DDX10: variants seen among roughly 807,000 people sequenced by gnomAD.
The protein encoded by DDX10 is probable ATP-dependent RNA helicase DDX10.
Under a neutral mutation model 104.3 loss-of-function variants are expected in DDX10, and 74 were observed. The observed-to-expected ratio is 0.71, with a 90% CI of 0.59 to 0.86. The LOEUF is 0.86. Among genes scored for constraint, DDX10 ranks in the 40% least tolerant of loss-of-function variants. The pLI, the probability that DDX10 is intolerant of heterozygous loss-of-function variation, is 0.00. For synonymous variants in DDX10, 351 were observed against 353.4 expected, an observed-to-expected ratio of 0.99 and a Z score of 0.08; for missense variants, 952 against 1,040.0, an observed-to-expected ratio of 0.92 and a Z score of 1.16.
At chr11:108,771,782 T>G (rs2094363517) in intron 13 of DDX10, among the ~76,000 whole-genome samples, 1 of 152,220 alleles carries the variant, frequency 6.6e-6, no homozygotes, top group Non-Finnish European at 1.5e-5. Context: ...TAGTCGTTCT[T>G]GTTAGCAAGG....
chr11:108,701,810 C>T (rs1343349347), intron 9 of DDX10, among the ~76,000 whole-genome samples: 2 of 150,258 alleles, frequency 1.3e-5, no homozygotes, highest in South Asian at 4.2e-4. Flanking sequence ...TCTCAGCCTC[C>T]TGAGTAGTTG....
In DDX10 at chr11:108,905,033, G is replaced by T. The variant is rs137972827; in HGVS notation, c.2305-12840G>T. ...ATGTTCTTATTATCAGTTCAGCCCC[G>T]AGCAGTAGTAACTGGGAGTTGCGGG... is the stretch of plus-strand genomic sequence containing the variant. On this transcript the variant is annotated intron_variant, in intron 16 of 17. Coordinates refer to ENST00000322536, the MANE Select transcript of DDX10 (RefSeq NM_004398.4). Among the ~76,000 whole-genome samples, 3 of 152,242 alleles carry T rather than the reference G, an allele frequency of 2.0e-5. No individual in the cohort carries two copies. In the East Asian group the frequency reaches 5.8e-4, roughly 29 times the overall value.
intron 10 of DDX10, among the ~76,000 whole-genome samples, chr11:108,712,369 C>T (rs544458416): frequency 2.0e-5 from 3 of 151,870 alleles, no homozygotes; most frequent in Admixed American, 6.6e-5. Context: ...CCCTGTTATT[C>T]TTACTTTTGT....
chr11:108,806,033 C>G (rs950583023), intron 13 of DDX10, among the ~76,000 whole-genome samples: 1 of 152,100 alleles, frequency 6.6e-6, no homozygotes, highest in Non-Finnish European at 1.5e-5. Context: ...ATGATCTCGG[C>G]TCACTGCAAC....
At chr11:108,926,500 G>T (rs923741634) in intron 17 of DDX10, among the ~76,000 whole-genome samples, 1 of 152,178 alleles carries the variant, frequency 6.6e-6, no homozygotes, top group Non-Finnish European at 1.5e-5. Flanking sequence ...AAGAGGACCA[G>T]TTTTTTCCTC....
At chr11:108,707,000 A>G (rs1457084039) in intron 10 of DDX10, among the ~76,000 whole-genome samples, 163 bp downstream of exon 10, 2 of 152,178 alleles carry the variant, frequency 1.3e-5, no homozygotes, top group South Asian at 2.1e-4. Flanking sequence ...TCACAGGAAA[A>G]TTGAGAGGAA....
intron 9 of DDX10, among the ~76,000 whole-genome samples, chr11:108,694,903 TAAAA>T (rs1034271934): frequency 6.7e-6 from 1 of 148,762 alleles, no homozygotes; most frequent in Non-Finnish European, 1.5e-5. Flanking sequence ...ACAAAACAAA[TAAAA>T]AAAAACCATA....
intron 13 of DDX10, among the ~76,000 whole-genome samples, chr11:108,749,069 T>TC (rs2094335238): frequency 4.6e-5 from 7 of 150,876 alleles, no homozygotes; most frequent in African/African-American, 1.7e-4. Flanking sequence ...TCTCTCTCTC[T>TC]TTCTCTCTCT....
At chr11:108,834,796 C>T (rs928640596) in intron 13 of DDX10, among the ~76,000 whole-genome samples, 4 of 149,770 alleles carry the variant, frequency 2.7e-5, no homozygotes, top group African/African-American at 7.4e-5. Flanking sequence ...GGCGTGGTGG[C>T]GGGCGCCTGT....
At position 108,737,731 on chromosome 11, in the gene DDX10, C is replaced by G. The variant is rs11212773; in HGVS notation, c.1965+14269C>G. Reference sequence around the variant, plus strand: ...TGGAGCCGTTTTCCTTCCTGTTGGTCTATTCTCTCTCCACCTCTTTCATTG... The same window carrying G: ...TGGAGCCGTTTTCCTTCCTGTTGGTGTATTCTCTCTCCACCTCTTTCATTG... On this transcript the variant is annotated intron_variant, in intron 13 of 17. Coordinates refer to ENST00000322536, the MANE Select transcript of DDX10 (RefSeq NM_004398.4). Among the ~76,000 whole-genome samples, 153 of 152,032 alleles carry G rather than the reference C, an allele frequency of 1.0e-3. 5 individuals carry two copies. In the East Asian group the frequency reaches 0.028, roughly 28 times the overall value.
chr11:108,917,957 G>C lies in DDX10; in HGVS notation c.2389G>C (p.Asp797His), dbSNP rs1322161413. 6.2e-7 allele frequency: 1 copy of C among 1,613,466 alleles called. No individual in the cohort carries two copies. The highest frequency in any genetic ancestry group is 1.7e-5 in the Admixed American group (1 of 60,018). The change falls in exon 17 of 18, where the codon GAT becomes CAT. Residue 797 changes from aspartate (D) to histidine (H), a missense_variant. This residue lies in a region of DDX10 where 533 missense variants were observed against 534.1 expected (regional missense o/e 1.00). Coordinates refer to ENST00000322536, the MANE Select transcript of DDX10 (RefSeq NM_004398.4). ...DDGFDPSTLP[D>H]PDKYRSSEDS... is the part of the protein sequence containing the mutation. ...TGGATTTGATCCAAGCACACTCCCA[G>C]ATCCAGATAAATACAGAAGCTCTGA...
Position 108,760,187 on chromosome 11 carries a change from TCAATATGCTTAA to T in DDX10, c.1965+36726_1965+36737del, listed in dbSNP as rs2094349108. 3.3e-5 allele frequency among the ~76,000 whole-genome samples: 5 copies of T among 152,146 alleles called. No homozygotes were observed. In the South Asian group the frequency reaches 1.0e-3, roughly 32 times the overall value. On this transcript the variant is annotated intron_variant, in intron 13 of 17. Coordinates refer to ENST00000322536, the MANE Select transcript of DDX10 (RefSeq NM_004398.4). ...TTGATTCCCCCCCCACCCTTAGCAT[TCAATATGCTTAA>T]GTGTTATTTTATATATTGGATTGAA...
chr11:108,926,800 C>G (rs535868303), intron 17 of DDX10, among the ~76,000 whole-genome samples: 1 of 152,108 alleles, frequency 6.6e-6, no homozygotes, highest in Non-Finnish European at 1.5e-5. Flanking sequence ...ATTTGAATAC[C>G]AAAGTGCCAG....
At chr11:108,694,860 G>A (rs1317710490) in intron 9 of DDX10, among the ~76,000 whole-genome samples, 9 of 152,062 alleles carry the variant, frequency 5.9e-5, no homozygotes, top group African/African-American at 1.9e-4. Flanking sequence ...CAGCCTGGGC[G>A]ACAGAGTGAT....
Position 108,684,091 on chromosome 11 carries a change from TG to T in DDX10, c.848+4533del, listed in dbSNP as rs2094239317. Among the ~76,000 whole-genome samples the T allele has an allele frequency of 2.0e-5, 3 of 150,302 alleles. No individual in the cohort carries two copies. In the South Asian group the frequency reaches 6.3e-4, roughly 32 times the overall value. ...TCTTCAGATGCATTTTAGTAATCTT[TG>T]GACTCCTTGCTTTCTGGTGTTCTAA... On this transcript the variant is annotated intron_variant, in intron 6 of 17. Transcript: ENST00000322536.
intron 16 of DDX10, among the ~76,000 whole-genome samples, chr11:108,874,871 C>T (rs1863131226): frequency 6.6e-6 from 1 of 152,080 alleles, no homozygotes; most frequent in Non-Finnish European, 1.5e-5. Context: ...AGCTGAGTTC[C>T]TTTATTGGTG....
intron 14 of DDX10, 74 bp from the exon 15 acceptor site, chr11:108,841,238 AATC>A: frequency 7.9e-7 from 1 of 1,273,406 alleles, no homozygotes; most frequent in Non-Finnish European, 1.1e-6. Flanking sequence ...ACCTTTTCAG[AATC>A]ATCAGACAAA....
chr11:108,734,686 G>A (rs2094316303), intron 13 of DDX10, among the ~76,000 whole-genome samples: 1 of 151,476 alleles, frequency 6.6e-6, no homozygotes, highest in Non-Finnish European at 1.5e-5. Flanking sequence ...ATCTACTTTT[G>A]TGGTTGAAGT....
intron 13 of DDX10, among the ~76,000 whole-genome samples, chr11:108,785,356 A>G (rs4753849): frequency 0.51 from 77,036 of 151,940 alleles, 21,155 homozygotes; most frequent in Non-Finnish European, 0.61. Flanking sequence ...TTTTGCTTCT[A>G]TGTTCATGAG....
Sources: gnomAD v4.1 joint callset for allele counts (sites outside exome capture counted in the v4.1 genomes callset) on GRCh38, gnomAD v4.1.1 for gene constraint, gnomAD v4.1.1 regional missense constraint, MANE v1.5 for transcripts, NCBI Gene and HGNC (gene_info 2026-07-23, HGNC 2026-07-21) for gene names.